Variants in RPS6KA5 observed in about 807,000 individuals in gnomAD.
RPS6KA5 encodes ribosomal protein S6 kinase alpha-5.
A neutral mutation model predicts 85.5 loss-of-function variants in RPS6KA5; 27 were observed. That is an observed-to-expected ratio of 0.32 (90% CI 0.23 to 0.44). RPS6KA5 has a LOEUF of 0.44. Among genes scored for constraint, RPS6KA5 ranks in the 20% least tolerant of loss-of-function variants. The pLI, the probability that RPS6KA5 is intolerant of heterozygous loss-of-function variation, is 1.00. For missense variants in RPS6KA5, 811 were observed against 980.9 expected (o/e 0.83, Z 2.31); for synonymous variants, 334 against 348.2 (o/e 0.96, Z 0.46).
chr14:90,858,380 G>C lies in RPS6KA5; in HGVS notation c.*13694C>G, dbSNP rs969008880. On this transcript the variant is annotated 3_prime_UTR_variant, in exon 17 of 17. Coordinates refer to ENST00000614987, the MANE Select transcript of RPS6KA5 (RefSeq NM_004755.4). Reference sequence around the variant, plus strand: ...TGTTCGAGAATGATGTTAACATCACGTGTAGGAATGCTACATTTTCTAGGA... The same window carrying C: ...TGTTCGAGAATGATGTTAACATCACCTGTAGGAATGCTACATTTTCTAGGA... 7.2e-5 allele frequency: 11 copies of C among 152,214 alleles called. No individual in the cohort carries two copies. Among genetic ancestry groups the C allele is most frequent in the African/African-American group, 2.4e-4 (10 of 41,544 alleles). 9.4% of individuals were successfully genotyped at this position (152,214 alleles called of 1,614,324 possible).
chr14:90,981,774 A>G (rs1435730165), intron 2 of RPS6KA5, among the ~76,000 whole-genome samples: 1 of 152,248 alleles, frequency 6.6e-6, no homozygotes, highest in Non-Finnish European at 1.5e-5. Context: ...GTGCCAGTGG[A>G]TGCTTATTAC....
chr14:90,921,074 G>T (rs950669175), intron 6 of RPS6KA5, among the ~76,000 whole-genome samples: 2 of 151,964 alleles, frequency 1.3e-5, no homozygotes, highest in African/African-American at 4.8e-5. Flanking sequence ...TTTGTAATTA[G>T]GCAAATCAGA....
chr14:90,870,653 G>C lies in RPS6KA5; in HGVS notation c.*1421C>G, dbSNP rs1381102804. On this transcript the variant is annotated 3_prime_UTR_variant, in exon 17 of 17. Transcript: ENST00000614987. ...CAAATTCCAAACTAATGCTCAAAAG[G>C]TTATCATTAACAAAAACTATAAAAT... 1 of 151,986 alleles carries C rather than the reference G, an allele frequency of 6.6e-6. No individual in the cohort carries two copies. Among genetic ancestry groups the C allele is most frequent in the Non-Finnish European group, 1.5e-5 (1 of 67,916 alleles). 9.4% of individuals were successfully genotyped at this position (151,986 alleles called of 1,614,324 possible).
chr14:90,910,472 T>C (rs2035743421), intron 7 of RPS6KA5, among the ~76,000 whole-genome samples: 1 of 151,858 alleles, frequency 6.6e-6, no homozygotes, highest in South Asian at 2.1e-4. Context: ...ATTTAGGTAG[T>C]GAGTGTGTGA....
chr14:91,035,956 G>GA (rs10689832), intron 1 of RPS6KA5, among the ~76,000 whole-genome samples: 4,697 of 133,394 alleles, frequency 0.035, 140 homozygotes, highest in African/African-American at 0.059. Flanking sequence ...CTTAGGGTAT[G>GA]AAAAAAAAAA....
At position 90,855,672 on chromosome 14, in the gene RPS6KA5, A is replaced by G. The variant is rs2032246510; in HGVS notation, c.*16402T>C. 6.7e-6 allele frequency: 1 copy of G among 149,282 alleles called. No homozygotes were observed. Among genetic ancestry groups the G allele is most frequent in the Non-Finnish European group, 1.5e-5 (1 of 67,770 alleles). 9.2% of individuals were successfully genotyped at this position (149,282 alleles called of 1,614,324 possible). The stretch of plus-strand genomic sequence containing the variant: ...GCCCAGGCTGGAGTGCAGTGGCGCG[A>G]TCTCGGCTCACTGCAAGCTCTGCCT... On this transcript the variant is annotated 3_prime_UTR_variant, in exon 17 of 17. Coordinates refer to ENST00000614987, the MANE Select transcript of RPS6KA5 (RefSeq NM_004755.4).
intron 1 of RPS6KA5, 139 bp downstream of exon 1, chr14:91,060,193 C>A (rs1340428938): frequency 3.1e-6 from 3 of 966,544 alleles, no homozygotes; most frequent in South Asian, 9.4e-5. Flanking sequence ...GCACGCGCCC[C>A]GACCGCGACG....
chr14:90,925,391 A>C (rs1051175713), intron 5 of RPS6KA5, among the ~76,000 whole-genome samples: 16 of 152,232 alleles, frequency 1.1e-4, no homozygotes, highest in African/African-American at 3.9e-4. Context: ...GCTAGCACTC[A>C]TTCGTTTCTG....
In RPS6KA5 at chr14:90,854,066, T is replaced by C. The variant is rs1014364993; in HGVS notation, c.*18008A>G. The stretch of plus-strand genomic sequence containing the variant: ...TACATAAACACACACCTATGTAATT[T>C]TCACAAGACCAAACTATTAAAGTAC... On this transcript the variant is annotated 3_prime_UTR_variant, in exon 17 of 17. Transcript: ENST00000614987. 2 of 152,210 alleles carry C rather than the reference T, an allele frequency of 1.3e-5. No homozygotes were observed. Among genetic ancestry groups the C allele is most frequent in the African/African-American group, 4.8e-5 (2 of 41,452 alleles). The allele number at this position is 152,210 out of a possible 1,614,324, so 9.4% of individuals were successfully genotyped here.
chr14:90,926,402 A>C (rs1566749471), intron 5 of RPS6KA5, among the ~76,000 whole-genome samples: 3 of 148,968 alleles, frequency 2.0e-5, no homozygotes, highest in Non-Finnish European at 2.9e-5. Context: ...AAAAAAAAAA[A>C]CAAAAAAAAA....
chr14:90,902,859 A>T lies in RPS6KA5; in HGVS notation c.1068T>A (p.Asp356Glu), dbSNP rs200895075. The T allele has an allele frequency of 2.1e-5, 34 of 1,614,030 alleles. No homozygotes were observed. The Admixed American group carries it at 5.7e-4, about 27-fold the overall frequency. Reference sequence around the variant, plus strand: ...GCAGGGCTGCGGGAGAATAAGTGGGATCCATTTCTGTGAACTCTTCTGCAA... The same window carrying T: ...GCAGGGCTGCGGGAGAATAAGTGGGTTCCATTTCTGTGAACTCTTCTGCAA... ...SNFAEEFTEMDPTYSPAALPQ... is the reference protein window; with the variant it reads ...SNFAEEFTEMEPTYSPAALPQ... The change falls in exon 9 of 17, where the codon GAT becomes GAA. Residue 356 changes from aspartate (D) to glutamate (E), a missense_variant. Physicochemically the swap from Asp to Glu is conservative, Grantham distance 45. This residue lies in a region of RPS6KA5 where 650 missense variants were observed against 793.4 expected (regional missense o/e 0.82). Transcript: ENST00000614987.
chr14:90,974,983 G>A (rs1194150667), intron 3 of RPS6KA5, among the ~76,000 whole-genome samples: 1 of 151,942 alleles, frequency 6.6e-6, no homozygotes, highest in African/African-American at 2.4e-5. Flanking sequence ...ATCATATACG[G>A]GACAAACTCA....
In RPS6KA5 at chr14:90,870,868, C is replaced by G. The variant is rs1165449927; in HGVS notation, c.*1206G>C. On this transcript the variant is annotated 3_prime_UTR_variant, in exon 17 of 17. Transcript: ENST00000614987. Reference sequence around the variant, plus strand: ...TAATTGTATTTTTAAATGCAGCAATCTTTTAATGAAATGTTTTCATCACAT... The same window carrying G: ...TAATTGTATTTTTAAATGCAGCAATGTTTTAATGAAATGTTTTCATCACAT... 9.0e-6 allele frequency: 1 copy of G among 110,848 alleles called. No homozygotes were observed. The highest frequency in any genetic ancestry group is 3.5e-5 in the African/African-American group (1 of 28,418). 6.9% of individuals were successfully genotyped at this position (110,848 alleles called of 1,614,324 possible). A position where few individuals can be genotyped will look rare whatever the true frequency, so the allele number is the denominator to read the frequency against.
At chr14:90,905,183 G>T (rs1004461974) in intron 8 of RPS6KA5, among the ~76,000 whole-genome samples, 12 of 151,960 alleles carry the variant, frequency 7.9e-5, no homozygotes, top group African/African-American at 2.9e-4. Flanking sequence ...GAGCACAGAA[G>T]AGCAGAGATA....
At chr14:90,873,871 CAGCT>C in intron 15 of RPS6KA5, 76 bp from the exon 16 acceptor site, 1 of 1,274,798 alleles carries the variant, frequency 7.8e-7, no homozygotes, top group South Asian at 1.3e-5. Context: ...AAATAAATCT[CAGCT>C]ATGTTCACAT....
In RPS6KA5 at chr14:90,859,126, G is replaced by C. The variant is rs1047251946; in HGVS notation, c.*12948C>G. On this transcript the variant is annotated 3_prime_UTR_variant, in exon 17 of 17. Coordinates refer to ENST00000614987, the MANE Select transcript of RPS6KA5 (RefSeq NM_004755.4). ...ATAAACACCCTAGATTTTCAGATGAGAGCCCAAAGAGGCCATATGCTAGGA... is the reference window on the plus strand; with the variant it reads ...ATAAACACCCTAGATTTTCAGATGACAGCCCAAAGAGGCCATATGCTAGGA... 1 of 152,256 alleles carries C rather than the reference G, an allele frequency of 6.6e-6. No homozygotes were observed. Among genetic ancestry groups the C allele is most frequent in the Non-Finnish European group, 1.5e-5 (1 of 68,114 alleles). The allele number at this position is 152,256 out of a possible 1,614,324, so 9.4% of individuals were successfully genotyped here.
At chr14:91,044,373 G>T (rs1402268682) in intron 1 of RPS6KA5, among the ~76,000 whole-genome samples, 2 of 13,272 alleles carry the variant, frequency 1.5e-4, no homozygotes, top group Non-Finnish European at 3.4e-4. Flanking sequence ...GAGAAAGAAA[G>T]AAGGAAAGAA....
chr14:90,960,278 G>A (rs369988826), intron 3 of RPS6KA5, among the ~76,000 whole-genome samples: 3 of 151,870 alleles, frequency 2.0e-5, no homozygotes, highest in East Asian at 1.9e-4. Flanking sequence ...GATAGGGCTC[G>A]GGCATGCCCC....
intron 4 of RPS6KA5, among the ~76,000 whole-genome samples, chr14:90,946,369 G>T (rs1389670669): frequency 6.6e-6 from 1 of 151,940 alleles, no homozygotes; most frequent in African/African-American, 2.4e-5. Flanking sequence ...GTCTCCCTAA[G>T]ATTCCTACCC....
Sources: allele counts gnomAD v4.1 joint callset (sites outside exome capture counted in the v4.1 genomes callset), GRCh38; gene constraint gnomAD v4.1.1; regional missense constraint gnomAD v4.1.1; transcripts MANE v1.5; gene names NCBI Gene and HGNC (gene_info 2026-07-23, HGNC 2026-07-21).